SUPT3H: variants seen among roughly 807,000 people sequenced by gnomAD.
The protein encoded by SUPT3H is transcription initiation protein SPT3 homolog.
Under a neutral mutation model 44.3 loss-of-function variants are expected in SUPT3H, and 44 were observed. The observed-to-expected ratio is 0.99, with a 90% CI of 0.78 to 1.28. SUPT3H has a LOEUF of 1.28. SUPT3H is among the 50% of genes most tolerant of loss of function. The pLI is 0.00. For synonymous variants in SUPT3H, 124 were observed against 125.6 expected, an observed-to-expected ratio of 0.99 and a Z score of 0.09; for missense variants, 380 against 387.1, an observed-to-expected ratio of 0.98 and a Z score of 0.15.
At chr6:45,014,638 T>A in intron 5 of SUPT3H, among the ~76,000 whole-genome samples, 163 bp downstream of exon 5, 1 of 152,258 alleles carries the variant, frequency 6.6e-6, no homozygotes, top group South Asian at 2.1e-4. Context: ...CGGTATAATA[T>A]GTTTTATCAG....
intron 2 of SUPT3H, among the ~76,000 whole-genome samples, chr6:45,305,910 T>A (rs1782912728): frequency 6.6e-6 from 1 of 152,230 alleles, no homozygotes; most frequent in Admixed American, 6.5e-5. Context: ...CTGCTCATGC[T>A]TGTACTCCAA....
intron 10 of SUPT3H, among the ~76,000 whole-genome samples, chr6:44,878,415 C>T (rs1290054610): frequency 6.6e-6 from 1 of 151,814 alleles, no homozygotes; most frequent in South Asian, 2.1e-4. Flanking sequence ...GTGAGATAGG[C>T]CTTTTTTTGG....
intron 10 of SUPT3H, among the ~76,000 whole-genome samples, chr6:44,864,292 G>A (rs1253654216): frequency 6.6e-6 from 1 of 152,160 alleles, no homozygotes; most frequent in Non-Finnish European, 1.5e-5. Context: ...GTAGAAACTG[G>A]CTAAAACAAA....
intron 10 of SUPT3H, among the ~76,000 whole-genome samples, chr6:44,879,155 C>T (rs948633502): frequency 2.0e-5 from 3 of 152,228 alleles, no homozygotes; most frequent in African/African-American, 7.2e-5. Context: ...CCATGGAGCC[C>T]AGCAAGCTAA....
intron 10 of SUPT3H, among the ~76,000 whole-genome samples, chr6:44,904,370 C>T (rs186863198): frequency 1.8e-3 from 273 of 152,170 alleles, no homozygotes; most frequent in African/African-American, 6.4e-3. Context: ...TCTTATACAC[C>T]AATAACAGAC....
At chr6:45,176,532 A>T (rs1378606403) in intron 2 of SUPT3H, among the ~76,000 whole-genome samples, 221 of 142,356 alleles carry the variant, frequency 1.6e-3, no homozygotes, top group Non-Finnish European at 1.7e-3. Context: ...TTGCTTAGGT[A>T]AACAAAGCAG....
rs962071891 is a variant in SUPT3H, at chr6:44,903,794, C to A, written c.912+28859G>T. ...GCAAAAATCCTCAATAAAATACTGG[C>A]AAACCGAATCCAGCAGCACATCAAA... On this transcript the variant is annotated intron_variant, in intron 10 of 10. Transcript: ENST00000371459. Among the ~76,000 whole-genome samples, 5 of 152,254 alleles carry A rather than the reference C, an allele frequency of 3.3e-5. No homozygotes were observed. The Middle Eastern group carries it at 0.017, about 518-fold the overall frequency.
At chr6:45,200,596 C>T (rs1188869691) in intron 2 of SUPT3H, among the ~76,000 whole-genome samples, 2 of 151,260 alleles carry the variant, frequency 1.3e-5, no homozygotes, top group East Asian at 3.9e-4. Context: ...ATTTTTGAAC[C>T]TTCTTAATGC....
At chr6:44,883,895 A>T (rs1778683966) in intron 10 of SUPT3H, among the ~76,000 whole-genome samples, 2 of 152,190 alleles carry the variant, frequency 1.3e-5, no homozygotes, top group Admixed American at 6.5e-5. Flanking sequence ...ACTTAAACAT[A>T]AGACCTAAAA....
intron 2 of SUPT3H, among the ~76,000 whole-genome samples, chr6:45,181,095 G>C (rs1036200822): frequency 7.9e-5 from 12 of 151,326 alleles, no homozygotes; most frequent in Non-Finnish European, 1.5e-5. Context: ...CATTTATGCA[G>C]CCAAGAAACA....
intron 2 of SUPT3H, among the ~76,000 whole-genome samples, chr6:45,124,067 A>G (rs1802058189): frequency 6.6e-6 from 1 of 152,218 alleles, no homozygotes; most frequent in African/African-American, 2.4e-5. Flanking sequence ...GTATCAAATA[A>G]TATGAATTAA....
intron 10 of SUPT3H, among the ~76,000 whole-genome samples, chr6:44,932,259 A>G (rs55906653): frequency 0.025 from 3,760 of 152,282 alleles, 169 homozygotes; most frequent in African/African-American, 0.085. Flanking sequence ...TCTTCCAACT[A>G]AAAGCATGTT....
intron 2 of SUPT3H, among the ~76,000 whole-genome samples, chr6:45,113,785 G>A (rs1039997325): frequency 4.2e-5 from 6 of 143,982 alleles, no homozygotes; most frequent in Admixed American, 3.6e-4. Flanking sequence ...AGCCGAGATT[G>A]AGCCATTGCA....
At chr6:45,315,345 AC>A (rs1784524264) in intron 2 of SUPT3H, among the ~76,000 whole-genome samples, 1 of 152,186 alleles carries the variant, frequency 6.6e-6, no homozygotes, top group Non-Finnish European at 1.5e-5. Flanking sequence ...TAAACTGACA[AC>A]CCACAGAGTT....
At chr6:44,940,662 G>C (rs1213169939) in intron 9 of SUPT3H, among the ~76,000 whole-genome samples, 2 of 152,032 alleles carry the variant, frequency 1.3e-5, no homozygotes, top group Non-Finnish European at 1.5e-5. Flanking sequence ...CTGTATTGCT[G>C]TCTATCTCTT....
chr6:45,244,265 C>A (rs1452399385), intron 2 of SUPT3H, among the ~76,000 whole-genome samples: 6 of 152,156 alleles, frequency 3.9e-5, no homozygotes, highest in African/African-American at 1.4e-4. Flanking sequence ...AATCACAAAT[C>A]TTTTTCCTAC....
At chr6:45,150,633 T>G (rs1806776966) in intron 2 of SUPT3H, among the ~76,000 whole-genome samples, 2 of 152,070 alleles carry the variant, frequency 1.3e-5, no homozygotes, top group Non-Finnish European at 2.9e-5. Context: ...TTTGGTTGGT[T>G]CTCTTTCTGT....
chr6:45,042,644 T>C (rs1006800633), intron 3 of SUPT3H, among the ~76,000 whole-genome samples: 3 of 152,234 alleles, frequency 2.0e-5, no homozygotes, highest in South Asian at 2.1e-4. Flanking sequence ...TTTTACACTG[T>C]TGGTGGAACT....
intron 9 of SUPT3H, among the ~76,000 whole-genome samples, chr6:44,936,260 C>T (rs1228216457): frequency 6.6e-6 from 1 of 152,172 alleles, no homozygotes; most frequent in African/African-American, 2.4e-5. Flanking sequence ...ATATAGTGTA[C>T]AACATATGTA....
Sources: allele counts gnomAD v4.1 joint callset (sites outside exome capture counted in the v4.1 genomes callset), GRCh38; gene constraint gnomAD v4.1.1; transcripts MANE v1.5; gene names NCBI Gene and HGNC (gene_info 2026-07-23, HGNC 2026-07-21).